The following NCOA6 variants were observed in gnomAD, a reference collection of about 807,000 sequenced individuals.
NCOA6 encodes NRC RAP250.
A neutral mutation model predicts 171.4 loss-of-function variants in NCOA6; 49 were observed. That is an observed-to-expected ratio of 0.29 (90% CI 0.23 to 0.36). The LOEUF is 0.36. Among genes scored for constraint, NCOA6 ranks in the 10% least tolerant of loss-of-function variants. NCOA6 has a pLI of 1.00. For missense variants in NCOA6, 2,248 were observed against 2,554.5 expected (o/e 0.88, Z 2.59); for synonymous variants, 910 against 927.5 (o/e 0.98, Z 0.34).
chr20:34,764,494 G>A (rs1001726106), intron 5 of NCOA6, among the ~76,000 whole-genome samples: 1 of 152,026 alleles, frequency 6.6e-6, no homozygotes, highest in African/African-American at 2.4e-5. Context: ...AGGAGTTCGA[G>A]ACCAGCCTGG....
In NCOA6 at chr20:34,750,475, G is replaced by T. The variant is rs757570695; in HGVS notation, c.1720C>A (p.His574Asn). 6.8e-6 allele frequency: 11 copies of T among 1,612,760 alleles called. No individual in the cohort carries two copies. The highest frequency in any genetic ancestry group is 6.8e-6 in the Non-Finnish European group (8 of 1,179,328). ...GGCTGCATCATATTTGGCGGCCCGT[G>T]GGACACCTGCATCTGGTTTTGAGGA... ...GPPQNQMQVS[H>N]GPPNMMQPSL... The change falls in exon 9 of 15, where the codon CAC (histidine) becomes AAC (asparagine). Residue 574 changes from histidine (H) to asparagine (N), a missense_variant. Transcript: ENST00000359003.
chr20:34,724,487 C>T (rs1053273118), intron 14 of NCOA6, among the ~76,000 whole-genome samples: 1 of 152,138 alleles, frequency 6.6e-6, no homozygotes, highest in African/African-American at 2.4e-5. Flanking sequence ...GATACTTGAC[C>T]GTTTCTCAGC....
At chr20:34,775,150 G>A (rs1322156618) in intron 4 of NCOA6, among the ~76,000 whole-genome samples, 1 of 152,192 alleles carries the variant, frequency 6.6e-6, no homozygotes, top group African/African-American at 2.4e-5. Flanking sequence ...CAGGGGGCAA[G>A]GGAGGAAAGT....
At chr20:34,715,855 C>G (rs1412206453) in intron 14 of NCOA6, among the ~76,000 whole-genome samples, 3 of 152,148 alleles carry the variant, frequency 2.0e-5, no homozygotes, top group African/African-American at 7.2e-5. Context: ...ATGCTATAGT[C>G]AAGGTCTAAA....
chr20:34,808,124 T>A (rs1410398939), intron 1 of NCOA6, among the ~76,000 whole-genome samples: 1 of 150,746 alleles, frequency 6.6e-6, no homozygotes, highest in Non-Finnish European at 1.5e-5. Flanking sequence ...CACTGCAGCC[T>A]GGTAACAGAG....
intron 14 of NCOA6, among the ~76,000 whole-genome samples, chr20:34,722,085 C>T (rs901863940): frequency 7.0e-5 from 6 of 85,578 alleles, no homozygotes; most frequent in African/African-American, 2.6e-4. Flanking sequence ...AAAAAAAAAG[C>T]AAAAGAAAAA....
At chr20:34,819,536 A>C (rs918804925) in intron 1 of NCOA6, 1 of 152,208 alleles carries the variant, frequency 6.6e-6, no homozygotes, top group African/African-American at 2.4e-5. Context: ...GAAGAGTTCT[A>C]TCCTAGCAGA....
intron 1 of NCOA6, among the ~76,000 whole-genome samples, chr20:34,809,958 AC>A (rs1326861784): frequency 6.6e-6 from 1 of 152,086 alleles, no homozygotes; most frequent in African/African-American, 2.4e-5. Context: ...ACAGAGCTAG[AC>A]TGTCTCAAAA....
intron 1 of NCOA6, among the ~76,000 whole-genome samples, chr20:34,813,465 TAAA>T (rs1163906642): frequency 1.5e-5 from 2 of 130,022 alleles, no homozygotes; most frequent in Non-Finnish European, 1.7e-5. Flanking sequence ...AACTCTGTCT[TAAA>T]AAAAAAAAAA....
intron 10 of NCOA6, 95 bp from the exon 11 acceptor site, chr20:34,743,436 C>T: frequency 2.3e-6 from 3 of 1,331,248 alleles, no homozygotes; most frequent in Non-Finnish European, 3.1e-6. Flanking sequence ...ATCTAGGTGG[C>T]ACAGACTATG....
intron 1 of NCOA6, among the ~76,000 whole-genome samples, chr20:34,824,940 G>GC (rs2079106907): frequency 1.3e-5 from 2 of 151,880 alleles, no homozygotes; most frequent in Admixed American, 6.6e-5. Flanking sequence ...CCTGAGCTTG[G>GC]CCCCCATGCC....
intron 7 of NCOA6, 71 bp downstream of exon 7, chr20:34,757,149 T>G: frequency 3.5e-6 from 5 of 1,444,596 alleles, no homozygotes; most frequent in Non-Finnish European, 4.6e-6. Flanking sequence ...CCATTAACTC[T>G]AAAAACTGAA....
chr20:34,787,657 G>C (rs1033244364), intron 2 of NCOA6, among the ~76,000 whole-genome samples: 1 of 152,098 alleles, frequency 6.6e-6, no homozygotes. Context: ...ATGCAGGACC[G>C]GCAAGCCTCC....
chr20:34,807,887 T>C (rs1474061614), intron 1 of NCOA6, among the ~76,000 whole-genome samples: 1 of 145,530 alleles, frequency 6.9e-6, no homozygotes. Context: ...TGGTGGCTCA[T>C]GCCTGTAATC....
chr20:34,716,494 T>C (rs899157585), intron 14 of NCOA6, among the ~76,000 whole-genome samples: 2 of 152,228 alleles, frequency 1.3e-5, no homozygotes. Context: ...CTCACCCCTG[T>C]AATCCCAACA....
chr20:34,741,730 C>G lies in NCOA6; in HGVS notation c.4526G>C (p.Gly1509Ala). ...GAPNVTIKPPGLTDLEVTPPV... is the reference protein window; with the variant it reads ...GAPNVTIKPPALTDLEVTPPV... The stretch of plus-strand genomic sequence containing the variant: ...AGGTGTTACTTCCAGATCTGTAAGC[C>G]CAGGGGGTTTAATTGTCACATTGGG... Residue 1509 changes from glycine to alanine, a missense_variant, in exon 11 of 15, where the codon GGG becomes GCG. Coordinates refer to ENST00000359003, the MANE Select transcript of NCOA6 (RefSeq NM_014071.5). 1.9e-6 allele frequency: 3 copies of G among 1,613,982 alleles called. No homozygotes were observed. Among genetic ancestry groups the G allele is most frequent in the Non-Finnish European group, 2.5e-6 (3 of 1,179,996 alleles).
intron 1 of NCOA6, among the ~76,000 whole-genome samples, chr20:34,798,702 C>T (rs1457207596): frequency 6.6e-6 from 1 of 152,154 alleles, no homozygotes; most frequent in Admixed American, 6.5e-5. Flanking sequence ...GAGAATTATT[C>T]TGGATTTTAC....
intron 2 of NCOA6, among the ~76,000 whole-genome samples, chr20:34,787,837 A>G (rs1448638427): frequency 6.6e-6 from 1 of 152,034 alleles, no homozygotes. Context: ...CTGGCAGCTC[A>G]GAGCAGTTTT....
At chr20:34,747,242 A>G (rs1432400762) in intron 9 of NCOA6, among the ~76,000 whole-genome samples, 2 of 152,204 alleles carry the variant, frequency 1.3e-5, no homozygotes, top group African/African-American at 2.4e-5. Context: ...TAGGACTATC[A>G]ATGTTACAAG....
Sources: gnomAD v4.1 joint callset for allele counts (sites outside exome capture counted in the v4.1 genomes callset) on GRCh38, gnomAD v4.1.1 for gene constraint, MANE v1.5 for transcripts, NCBI Gene and HGNC (gene_info 2026-07-23, HGNC 2026-07-21) for gene names.